Variants in NBAS observed in about 807,000 individuals in gnomAD.
The protein encoded by NBAS is NAG/BC035112 fusion.
A neutral mutation model predicts 302.5 loss-of-function variants in NBAS; 219 were observed. The ratio of observed to expected loss-of-function variants is 0.72; its 90% CI spans 0.65 to 0.81. NBAS has a LOEUF of 0.81. NBAS is among the 30% of genes least tolerant of loss of function. The probability of loss-of-function intolerance (pLI) is 0.00; values close to 1 mark genes in which losing one functional copy is unlikely to be tolerated. For missense variants in NBAS, 2,932 were observed against 2,841.6 expected, an observed-to-expected ratio of 1.03 and a Z score of -0.72; for synonymous variants, 1,118 against 1,021.6, an observed-to-expected ratio of 1.09 and a Z score of -1.80.
chr2:15,062,006 C>T, the NBAS span, among the ~76,000 whole-genome samples: 2 of 152,164 alleles, frequency 1.3e-5, no homozygotes, highest in African/African-American at 4.8e-5. Context: ...AGCCGAGACC[C>T]CAAGAAGCAC....
chr2:14,953,695 A>G, the NBAS span, among the ~76,000 whole-genome samples: 1 of 152,190 alleles, frequency 6.6e-6, no homozygotes, highest in African/African-American at 2.4e-5. Context: ...GCCAGCCTAA[A>G]ATCAAATTCC....
At position 15,287,442 on chromosome 2, in the gene NBAS, G is replaced by A. The variant is rs182728424; in HGVS notation, c.5028-259C>T. 3.9e-5 allele frequency among the ~76,000 whole-genome samples: 6 copies of A among 152,324 alleles called. No homozygotes were observed. In the East Asian group the frequency reaches 1.2e-3, roughly 29 times the overall value. On this transcript the variant is annotated intron_variant, in intron 41 of 51. Transcript: ENST00000281513. ...CTGTGGATGATTTTGTTCCCCAGGG[G>A]ACATTTGACAATGTCTGAAAACATT...
intron 9 of NBAS, 133 bp downstream of exon 9, chr2:15,534,410 T>C (rs937747874): frequency 1.7e-5 from 13 of 747,876 alleles, no homozygotes; most frequent in Admixed American, 7.8e-5. Context: ...AACAGTATTA[T>C]AGATATTAAA....
the NBAS span, among the ~76,000 whole-genome samples, chr2:14,960,646 T>A: frequency 6.6e-6 from 1 of 152,216 alleles, no homozygotes; most frequent in Non-Finnish European, 1.5e-5. Flanking sequence ...TCATGTTGAA[T>A]AAATAAAACA....
At chr2:15,495,784 A>G (rs1422486465) in intron 11 of NBAS, among the ~76,000 whole-genome samples, 2 of 152,164 alleles carry the variant, frequency 1.3e-5, no homozygotes, top group East Asian at 3.9e-4. Flanking sequence ...AAAAGATAAT[A>G]ACAAGTGTTG....
the NBAS span, among the ~76,000 whole-genome samples, chr2:15,013,042 A>T: frequency 7.2e-5 from 11 of 152,182 alleles, no homozygotes; most frequent in East Asian, 2.1e-3. Flanking sequence ...GTCTTTTTGC[A>T]GAGATGGGGT....
At chr2:15,115,786 A>C in the NBAS span, among the ~76,000 whole-genome samples, 3 of 152,098 alleles carry the variant, frequency 2.0e-5, no homozygotes, top group African/African-American at 7.2e-5. Context: ...TGCTAGGATT[A>C]CAGGTGTGAG....
At chr2:15,471,565 T>A (rs1419335618) in intron 16 of NBAS, among the ~76,000 whole-genome samples, 2 of 152,174 alleles carry the variant, frequency 1.3e-5, no homozygotes, top group Non-Finnish European at 2.9e-5. Context: ...ATGCCATGAG[T>A]CTAACTATAA....
At chr2:14,999,187 G>A in the NBAS span, among the ~76,000 whole-genome samples, 1 of 151,996 alleles carries the variant, frequency 6.6e-6, no homozygotes, top group African/African-American at 2.4e-5. Flanking sequence ...CTCCACTCCA[G>A]TTAACCTTCC....
At chr2:15,112,171 T>A in the NBAS span, among the ~76,000 whole-genome samples, 1 of 150,848 alleles carries the variant, frequency 6.6e-6, no homozygotes, top group Non-Finnish European at 1.5e-5. Context: ...TAAACAATGT[T>A]AAAAATGATG....
rs773686291 is a variant in NBAS at position 15,379,588 on chromosome 2, TAG to T, written c.3590+12_3590+13del. On this transcript the variant is annotated intron_variant, in intron 30 of 51. Transcript: ENST00000281513. ...TCCCCCTCCATCTTAGGGAAGAATA[TAG>T]AGTTATTCTACCTGGCTAGATCCAT... 7 of 1,605,714 alleles carry T rather than the reference TAG, an allele frequency of 4.4e-6. No individual in the cohort carries two copies. The highest frequency in any genetic ancestry group is 1.3e-5 in the African/African-American group (1 of 74,644).
At chr2:14,906,379 C>A in the NBAS span, among the ~76,000 whole-genome samples, 2 of 152,308 alleles carry the variant, frequency 1.3e-5, no homozygotes, top group Admixed American at 1.3e-4. Context: ...TCGTAAGTGG[C>A]AGAGCCAGGA....
the NBAS span, among the ~76,000 whole-genome samples, chr2:14,960,895 T>C: frequency 6.6e-6 from 1 of 152,138 alleles, no homozygotes. Context: ...TCCTGCTGTA[T>C]ATTGTTGTGT....
chr2:14,946,634 C>T, the NBAS span, among the ~76,000 whole-genome samples: 3 of 152,156 alleles, frequency 2.0e-5, no homozygotes, highest in African/African-American at 7.2e-5. Flanking sequence ...GACACATCAT[C>T]CAGACAGAAA....
At chr2:15,061,411 G>A in the NBAS span, among the ~76,000 whole-genome samples, 2 of 152,194 alleles carry the variant, frequency 1.3e-5, no homozygotes, top group South Asian at 4.1e-4. Context: ...ATATGTAAAT[G>A]TCCTAATCTA....
intron 48 of NBAS, among the ~76,000 whole-genome samples, chr2:15,198,611 A>G (rs1163475066): frequency 6.6e-6 from 1 of 152,192 alleles, no homozygotes; most frequent in African/African-American, 2.4e-5. Context: ...GCTTGGGAAC[A>G]TTGTGTATGT....
the NBAS span, among the ~76,000 whole-genome samples, chr2:14,829,683 TTTACA>T: frequency 2.0e-5 from 3 of 152,282 alleles, no homozygotes; most frequent in South Asian, 6.2e-4. Flanking sequence ...AAACTGGTAT[TTTACA>T]GGATACTGGA....
At chr2:15,366,784 GA>G (rs1277280575) in intron 31 of NBAS, 91 bp from the exon 32 acceptor site, 11 of 1,165,086 alleles carry the variant, frequency 9.4e-6, no homozygotes. Context: ...CAAAGAAAAT[GA>G]AAACTGGGTA....
the NBAS span, among the ~76,000 whole-genome samples, chr2:14,978,370 C>T: frequency 6.6e-6 from 1 of 152,172 alleles, no homozygotes; most frequent in South Asian, 2.1e-4. Context: ...CATCTTTACT[C>T]CTCTTTGAAG....
Sources: gnomAD v4.1 joint callset for allele counts (sites outside exome capture counted in the v4.1 genomes callset) on GRCh38, gnomAD v4.1.1 for gene constraint, MANE v1.5 for transcripts, NCBI Gene and HGNC (gene_info 2026-07-23, HGNC 2026-07-21) for gene names.